The following NSUN2 variants were observed in gnomAD, a reference collection of about 807,000 sequenced individuals.
NSUN2 encodes NOP2/Sun RNA methyltransferase 2, also known as RNA cytosine C(5)-methyltransferase NSUN2.
A neutral mutation model predicts 92.7 loss-of-function variants in NSUN2; 63 were observed. That is an observed-to-expected ratio of 0.68 (90% CI 0.56 to 0.84). NSUN2 has a LOEUF of 0.84. Among genes scored for constraint, NSUN2 ranks in the 40% least tolerant of loss-of-function variants. The pLI is 0.00. For missense variants in NSUN2, 989 were observed against 964.9 expected (o/e 1.02, Z -0.33); for synonymous variants, 356 against 348.3 (o/e 1.02, Z -0.25).
intron 17 of NSUN2, 111 bp from the exon 18 acceptor site, chr5:6,602,611 C>T (rs139665537): frequency 1.2e-5 from 12 of 1,000,460 alleles, no homozygotes; most frequent in South Asian, 1.3e-5. Flanking sequence ...AAGAAAACAA[C>T]AAATAATCTA....
intron 3 of NSUN2, 119 bp downstream of exon 3, chr5:6,631,754 G>A (rs1737907280): frequency 2.8e-6 from 2 of 726,416 alleles, no homozygotes; most frequent in East Asian, 2.5e-5. Context: ...AGAACATTAG[G>A]ATGTTTGCAA....
intron 4 of NSUN2, among the ~76,000 whole-genome samples, chr5:6,624,570 G>A (rs767080721): frequency 1.3e-5 from 2 of 152,194 alleles, no homozygotes; most frequent in Non-Finnish European, 2.9e-5. Context: ...GCAGCTTACT[G>A]ATCTCTATTT....
At chr5:6,608,585 T>C (rs953377256) in intron 12 of NSUN2, among the ~76,000 whole-genome samples, 1 of 152,240 alleles carries the variant, frequency 6.6e-6, no homozygotes, top group Non-Finnish European at 1.5e-5. Flanking sequence ...TGACAATAAG[T>C]TGTTCTAAAA....
rs189359866 is a variant in NSUN2, at chr5:6,616,886, G to C, written c.891-29C>G. The C allele has an allele frequency of 5.5e-4, 880 of 1,603,114 alleles. 6 individuals carry two copies. In the East Asian group the frequency reaches 0.017, roughly 31 times the overall value. On this transcript the variant is annotated intron_variant, in intron 8 of 18. Transcript: ENST00000264670. ...AGGGGAGATATCAGATGACTGCAAG[G>C]CCAAATGTATCCATGAAGTGCACAT...
chr5:6,609,859 T>C lies in NSUN2; in HGVS notation c.1290A>G (p.Lys430=). Residue 430 remains lysine (K), a synonymous_variant, in exon 12 of 19, where the codon AAA becomes AAG. Transcript: ENST00000264670. ...GACGTTTATTCCACGGCATTGAAGA[T>C]TTTTTCACCAATACTGCCACAAAAA... ...GGFFVAVLVK[K]SSMPWNKRQP... 6.2e-7 allele frequency: 1 copy of C among 1,613,872 alleles called. No homozygotes were observed. Among genetic ancestry groups the C allele is most frequent in the Non-Finnish European group, 8.5e-7 (1 of 1,179,892 alleles).
Position 6,604,654 on chromosome 5 carries a change from C to T in NSUN2, c.1769G>A (p.Arg590Lys), listed in dbSNP as rs561528679. The change falls in exon 16 of 19, where the codon AGA (arginine) becomes AAA (lysine). Residue 590 changes from arginine (R) to lysine (K), a missense_variant. Physicochemically the swap from Arg to Lys is conservative, Grantham distance 26. Coordinates refer to ENST00000264670, the MANE Select transcript of NSUN2 (RefSeq NM_017755.6). Reference protein sequence around the residue: ...VINTGIKVWCRNNSGEEFDCA... With the variant: ...VINTGIKVWCKNNSGEEFDCA... ...GTCAAACTCTTCACCGCTGTTATTT[C>T]TACACCAGACTTTGATCCCCGTGTT... 14 of 1,614,098 alleles carry T rather than the reference C, an allele frequency of 8.7e-6. No homozygotes were observed. In the South Asian group the frequency reaches 1.5e-4, roughly 18 times the overall value.
At chr5:6,631,075 CAG>C (rs1171018595) in intron 3 of NSUN2, among the ~76,000 whole-genome samples, 1 of 152,206 alleles carries the variant, frequency 6.6e-6, no homozygotes, top group African/African-American at 2.4e-5. Flanking sequence ...GCCTGGGCGA[CAG>C]AGTGAGACTC....
At chr5:6,611,210 A>C in intron 10 of NSUN2, 125 bp from the exon 11 acceptor site, 2 of 1,053,146 alleles carry the variant, frequency 1.9e-6, no homozygotes, top group Non-Finnish European at 2.7e-6. Flanking sequence ...CAAAGATAGG[A>C]AGATTATTTG....
Position 6,611,021 on chromosome 5 carries a change from T to C in NSUN2, c.1160A>G (p.Gln387Arg), listed in dbSNP as rs1736964283. 8 of 1,614,098 alleles carry C rather than the reference T, an allele frequency of 5.0e-6. No individual in the cohort carries two copies. The South Asian group carries it at 6.6e-5, about 13-fold the overall frequency. Reference sequence around the variant, plus strand: ...CGGAGGGAACATGGTAGGTCGGATCTGGGTGTGTCTGCTGTGAGGAACAGC... The same window carrying C: ...CGGAGGGAACATGGTAGGTCGGATCCGGGTGTGTCTGCTGTGAGGAACAGC... ...WDAVPHSRHTQIRPTMFPPKD... is the reference protein window; with the variant it reads ...WDAVPHSRHTRIRPTMFPPKD... Residue 387 changes from glutamine to arginine, a missense_variant, in exon 11 of 19, where the codon CAG becomes CGG. This residue lies in a region of NSUN2 where 626 missense variants were observed against 602.3 expected (regional missense o/e 1.04). Transcript: ENST00000264670.
intron 3 of NSUN2, among the ~76,000 whole-genome samples, chr5:6,627,582 A>T (rs1737699734): frequency 6.6e-6 from 1 of 152,246 alleles, no homozygotes; most frequent in Admixed American, 6.5e-5. Context: ...TACTATTACA[A>T]GATTAAAATT....
rs181237724 is a variant in NSUN2, at chr5:6,612,767, C to T, written c.1022-969G>A. 2.7e-3 allele frequency among the ~76,000 whole-genome samples: 404 copies of T among 152,322 alleles called. 8 individuals are homozygous for T. The highest frequency in any genetic ancestry group is 0.017 in the Admixed American group (253 of 15,304). On this transcript the variant is annotated intron_variant, in intron 9 of 18. Transcript: ENST00000264670. ...GTAAATGACAGTGCAGGCAAACATG[C>T]GGGCTTCTCCATCAAACACTGTCCA...
chr5:6,602,719 A>T (rs908420659), intron 17 of NSUN2, among the ~76,000 whole-genome samples: 12 of 152,264 alleles, frequency 7.9e-5, no homozygotes, highest in Admixed American at 4.6e-4. Context: ...AAGAGGACCC[A>T]GGCAAAAGCC....
chr5:6,600,959 C>G (rs1198285000), intron 18 of NSUN2, among the ~76,000 whole-genome samples: 1 of 152,134 alleles, frequency 6.6e-6, no homozygotes, highest in African/African-American at 2.4e-5. Context: ...GACGCCCCAG[C>G]AGAGATGGAC....
intron 3 of NSUN2, among the ~76,000 whole-genome samples, chr5:6,631,122 G>A (rs560509352): frequency 9.2e-5 from 14 of 152,168 alleles, no homozygotes; most frequent in African/African-American, 2.6e-4. Flanking sequence ...AACAAAAAAC[G>A]GCTTAATTCA....
At chr5:6,623,648 T>C (rs977736916) in intron 4 of NSUN2, among the ~76,000 whole-genome samples, 4 of 152,192 alleles carry the variant, frequency 2.6e-5, no homozygotes, top group Non-Finnish European at 4.4e-5. Flanking sequence ...ACAGACAGCA[T>C]CAACTTAGGA....
At chr5:6,602,770 G>C (rs1055597580) in intron 17 of NSUN2, among the ~76,000 whole-genome samples, 1 of 152,252 alleles carries the variant, frequency 6.6e-6, no homozygotes, top group Non-Finnish European at 1.5e-5. Flanking sequence ...AATCCACTCT[G>C]AGAAGCAAGG....
At chr5:6,630,920 C>T (rs910916327) in intron 3 of NSUN2, among the ~76,000 whole-genome samples, 3 of 152,036 alleles carry the variant, frequency 2.0e-5, no homozygotes, top group Non-Finnish European at 2.9e-5. Context: ...GGTAAAAACC[C>T]GTCTCCACTA....
intron 9 of NSUN2, among the ~76,000 whole-genome samples, chr5:6,614,054 C>CCA (rs1306968127): frequency 7.0e-6 from 1 of 141,898 alleles, no homozygotes; most frequent in African/African-American, 2.6e-5. Flanking sequence ...CGAGATGGCG[C>CCA]CACTGCACTC....
At chr5:6,603,389 A>G (rs867795492) in intron 17 of NSUN2, among the ~76,000 whole-genome samples, 14 of 152,336 alleles carry the variant, frequency 9.2e-5, no homozygotes, top group Admixed American at 3.9e-4. Context: ...GAGGCTGTGT[A>G]CCTTAAAAAA....
Sources: allele counts gnomAD v4.1 joint callset (sites outside exome capture counted in the v4.1 genomes callset), GRCh38; gene constraint gnomAD v4.1.1; regional missense constraint gnomAD v4.1.1; transcripts MANE v1.5; gene names NCBI Gene and HGNC (gene_info 2026-07-23, HGNC 2026-07-21).